Variants in PPEF2 observed in about 807,000 individuals in gnomAD.
The protein encoded by PPEF2 is serine/threonine-protein phosphatase with EF-hands 2.
In PPEF2, 84 loss-of-function variants were observed where a neutral mutation model predicts 84.7. The ratio of observed to expected loss-of-function variants is 0.99; its 90% CI spans 0.83 to 1.19. PPEF2 has a LOEUF of 1.19. PPEF2 is among the 50% of genes most tolerant of loss of function. PPEF2 has a pLI of 0.00. For synonymous variants in PPEF2, 346 were observed against 345.2 expected (o/e 1.00, Z -0.03); for missense variants, 924 against 937.5 (o/e 0.99, Z 0.19).
Position 75,896,317 on chromosome 4 carries a change from G to T in PPEF2, c.9C>A (p.Ser3Arg). MG[S>R]GTSTQHHFAF... Reference sequence around the variant, plus strand: ...CAAAATGATGTTGGGTGGAGGTGCCGCTTCCCATAGTTTAAGCGCAATGCT... The same window carrying T: ...CAAAATGATGTTGGGTGGAGGTGCCTCTTCCCATAGTTTAAGCGCAATGCT... Residue 3 changes from serine (S) to arginine (R), a missense_variant, in exon 2 of 17, where the codon AGC (serine) becomes AGA (arginine). Ser to Arg is a moderately radical substitution (Grantham distance 110). Coordinates refer to ENST00000286719, the MANE Select transcript of PPEF2 (RefSeq NM_006239.3). The T allele has an allele frequency of 6.2e-7, 1 of 1,614,198 alleles. No homozygotes were observed. The highest frequency in any genetic ancestry group is 8.5e-7 in the Non-Finnish European group (1 of 1,180,018).
chr4:75,874,964 C>T (rs912137059), intron 11 of PPEF2, among the ~76,000 whole-genome samples: 1 of 150,516 alleles, frequency 6.6e-6, no homozygotes, highest in Non-Finnish European at 1.5e-5. Context: ...TGCAGTGGCA[C>T]GATCTCGGCT....
intron 15 of PPEF2, among the ~76,000 whole-genome samples, chr4:75,865,715 A>G (rs1440598790): frequency 6.6e-6 from 1 of 152,208 alleles, no homozygotes; most frequent in Non-Finnish European, 1.5e-5. Context: ...GATGAATTGC[A>G]TGGTATGTAA....
chr4:75,883,269 T>G (rs1724626071), intron 8 of PPEF2, 67 bp from the exon 9 acceptor site: 2 of 1,446,360 alleles, frequency 1.4e-6, no homozygotes, highest in African/African-American at 2.8e-5. Flanking sequence ...ATAATCACAT[T>G]TTTAGAAGAA....
chr4:75,875,371 G>A (rs1196530395), intron 11 of PPEF2, among the ~76,000 whole-genome samples: 1 of 152,182 alleles, frequency 6.6e-6, no homozygotes, highest in Non-Finnish European at 1.5e-5. Context: ...CACTTTGGGA[G>A]GCCAAGGTGG....
chr4:75,889,528 T>C (rs1276522759), intron 5 of PPEF2, among the ~76,000 whole-genome samples: 1 of 152,218 alleles, frequency 6.6e-6, no homozygotes, highest in Non-Finnish European at 1.5e-5. Flanking sequence ...CATAACTTAG[T>C]TTATTCTTTT....
intron 16 of PPEF2, among the ~76,000 whole-genome samples, chr4:75,862,544 A>C (rs895293247): frequency 2.6e-5 from 4 of 152,174 alleles, no homozygotes; most frequent in African/African-American, 9.7e-5. Flanking sequence ...TAAGCACATG[A>C]AAATGTTCAA....
chr4:75,879,368 C>G (rs1724508146), intron 10 of PPEF2, among the ~76,000 whole-genome samples: 1 of 152,214 alleles, frequency 6.6e-6, no homozygotes, highest in Non-Finnish European at 1.5e-5. Flanking sequence ...TGGGCAAAAT[C>G]TGTCCAGTTC....
At chr4:75,871,463 T>C (rs6845562) in intron 13 of PPEF2, among the ~76,000 whole-genome samples, 150,926 of 152,212 alleles carry the variant, frequency 0.99, 74,840 homozygotes, top group Middle Eastern at 1. Context: ...TAATTTCTTC[T>C]TCTTCTTTTT....
At chr4:75,892,878 G>A (rs1293740390) in intron 2 of PPEF2, among the ~76,000 whole-genome samples, 1 of 152,206 alleles carries the variant, frequency 6.6e-6, no homozygotes, top group Non-Finnish European at 1.5e-5. Context: ...GTGATGAATG[G>A]ACTATTTGTG....
At position 75,867,416 on chromosome 4, in the gene PPEF2, A is replaced by G. The variant is rs1395454724; in HGVS notation, c.1653T>C (p.Ile551=). 1 of 1,611,782 alleles carries G rather than the reference A, an allele frequency of 6.2e-7. No homozygotes were observed. Among genetic ancestry groups the G allele is most frequent in the Admixed American group, 1.7e-5 (1 of 59,954 alleles). The change falls in exon 14 of 17, where the codon ATT becomes ATC. Residue 551 remains isoleucine, a synonymous_variant. Transcript: ENST00000286719. ...VTHTLTMRQR[I]SRVEESALRA... ...TCAGAGCCGACTCCTCCACTCTGCT[A>G]ATCCTGGGACAGGAGATGAAAAGCG...
In PPEF2 at chr4:75,874,796, C is replaced by T. The variant is rs148212394; in HGVS notation, c.1321-1484G>A. Among the ~76,000 whole-genome samples the T allele has an allele frequency of 4.1e-3, 626 of 152,286 alleles. 3 individuals are homozygous for T. Among genetic ancestry groups the T allele is most frequent in the Middle Eastern group, 0.01 (3 of 292 alleles). Reference sequence around the variant, plus strand: ...CTCACCATCTCTTTCTCCGAGGCTTCTAGACTCAGAGTCAGCTGCAACTTC... The same window carrying T: ...CTCACCATCTCTTTCTCCGAGGCTTTTAGACTCAGAGTCAGCTGCAACTTC... On this transcript the variant is annotated intron_variant, in intron 11 of 16. Transcript: ENST00000286719.
rs748988869 is a variant in PPEF2, at chr4:75,872,135, A to G, written c.1539T>C (p.Tyr513=). 10 of 1,613,730 alleles carry G rather than the reference A, an allele frequency of 6.2e-6. No individual in the cohort carries two copies. The highest frequency in any genetic ancestry group is 2.2e-5 in the South Asian group (2 of 91,022). The change falls in exon 13 of 17, where the codon TAT becomes TAC. Residue 513 remains tyrosine (Y), a synonymous_variant. Transcript: ENST00000286719. The stretch of plus-strand genomic sequence containing the variant: ...AGGCCCCTCTGTTGCTGCCAACTTC[A>G]TAGTAGTTGGAGGCAGAAAAGATTG... ...VLTIFSASNY[Y]EVGSNRGAYV...
At chr4:75,899,222 G>C (rs934909775) in intron 1 of PPEF2, among the ~76,000 whole-genome samples, 1 of 152,164 alleles carries the variant, frequency 6.6e-6, no homozygotes, top group African/African-American at 2.4e-5. Flanking sequence ...GTATTCCACT[G>C]TACATATATA....
At chr4:75,871,991 T>A in intron 13 of PPEF2, 34 bp downstream of exon 13, 1 of 1,544,978 alleles carries the variant, frequency 6.5e-7, no homozygotes. Context: ...ACTATAATTT[T>A]TTTTTCTGAA....
rs1724626647 is a variant in PPEF2 at position 75,883,297 on chromosome 4, T to G, written c.747-95A>C. ...TAGAAGAATGCATATTCTGGGTATA[T>G]GTACTTAAATACATAGAAAAGAGAC... is the stretch of plus-strand genomic sequence containing the variant. On this transcript the variant is annotated intron_variant, in intron 8 of 16. Coordinates refer to ENST00000286719, the MANE Select transcript of PPEF2 (RefSeq NM_006239.3). The G allele has an allele frequency of 4.5e-6, 5 of 1,121,558 alleles. No homozygotes were observed. The East Asian group carries it at 1.2e-4, about 26-fold the overall frequency. The allele number at this position is 1,121,558 out of a possible 1,614,324, so 69.5% of individuals were successfully genotyped here.
In PPEF2 at chr4:75,866,314, A is replaced by T; in HGVS notation, c.1795T>A (p.Ser599Thr). The T allele has an allele frequency of 1.2e-6, 2 of 1,613,848 alleles. No homozygotes were observed. Among genetic ancestry groups the T allele is most frequent in the African/African-American group, 1.3e-5 (1 of 74,966 alleles). The change falls in exon 15 of 17, where the codon TCT (serine) becomes ACT (threonine). Residue 599 changes from serine to threonine, a missense_variant. Transcript: ENST00000286719. ...TLSDWAAAVE[S>T]VLHLGLPWRM... ...CATGGCAGTCCTAGGTGCAACACAG[A>T]CTCCACCGCTGCTGCCCAGTCACTC...
At chr4:75,891,558 C>A in intron 4 of PPEF2, 90 bp downstream of exon 4, 1 of 1,405,258 alleles carries the variant, frequency 7.1e-7, no homozygotes, top group Non-Finnish European at 9.6e-7. Flanking sequence ...TCACCAGATT[C>A]ACGGTTTCAC....
At chr4:75,900,500 G>T (rs1351768866) in intron 1 of PPEF2, among the ~76,000 whole-genome samples, 1 of 152,140 alleles carries the variant, frequency 6.6e-6, no homozygotes, top group Admixed American at 6.6e-5. Context: ...AAGGGGAAAA[G>T]GGGTACCTAG....
At chr4:75,883,900 C>T (rs1182219897) in intron 8 of PPEF2, among the ~76,000 whole-genome samples, 4 of 147,836 alleles carry the variant, frequency 2.7e-5, no homozygotes, top group African/African-American at 5.0e-5. Flanking sequence ...GAGGCTGGGA[C>T]GGGTGTATCA....
Sources: gnomAD v4.1 joint callset for allele counts (sites outside exome capture counted in the v4.1 genomes callset) on GRCh38, gnomAD v4.1.1 for gene constraint, MANE v1.5 for transcripts, NCBI Gene and HGNC (gene_info 2026-07-23, HGNC 2026-07-21) for gene names.